SAXO1: variants seen among roughly 807,000 people sequenced by gnomAD.
The protein encoded by SAXO1 is stabilizer of axonemal microtubules 1.
Under a neutral mutation model 17.5 loss-of-function variants are expected in SAXO1, and 21 were observed. The observed-to-expected ratio is 1.20, with a 90% confidence interval of 0.85 to 1.72. The LOEUF (loss-of-function observed/expected upper bound fraction) is 1.72. SAXO1 is among the 40% of genes most tolerant of loss of function. The pLI is 0.00. For missense variants in SAXO1, 843 were observed against 596.0 expected, an observed-to-expected ratio of 1.41 and a Z score of -4.32; for synonymous variants, 274 against 216.5, an observed-to-expected ratio of 1.27 and a Z score of -2.33.
At chr9:18,994,449 C>A (rs140550345) in intron 1 of SAXO1, among the ~76,000 whole-genome samples, 236 of 152,302 alleles carry the variant, frequency 1.5e-3, no homozygotes, top group African/African-American at 5.3e-3. Flanking sequence ...GTTATTTATA[C>A]TACGTGCTCA....
intron 1 of SAXO1, among the ~76,000 whole-genome samples, chr9:18,982,934 T>C (rs1174800282): frequency 6.6e-6 from 1 of 152,166 alleles, no homozygotes; most frequent in East Asian, 1.9e-4. Context: ...TAGATGTATT[T>C]CATAAAGCTT....
rs1563920925 is a variant in SAXO1 at position 18,928,399 on chromosome 9, G to C, written c.1078C>G (p.Gln360Glu). The C allele has an allele frequency of 1.9e-6, 3 of 1,610,642 alleles. No homozygotes were observed. The highest frequency in any genetic ancestry group is 1.3e-5 in the African/African-American group (1 of 74,802). ...MRTEPVKPVPQLDLPTEPLDC... is the reference protein window; with the variant it reads ...MRTEPVKPVPELDLPTEPLDC... The stretch of plus-strand genomic sequence containing the variant: ...AGGGGCTCGGTGGGCAAGTCCAGCT[G>C]GGGAACGGGCTTGACTGGCTCTGTG... Residue 360 changes from glutamine (Q) to glutamate (E), a missense_variant, in exon 4 of 4, where the codon CAG becomes GAG. Gln to Glu is a conservative substitution (Grantham distance 29). Coordinates refer to ENST00000380534, the MANE Select transcript of SAXO1 (RefSeq NM_153707.4).
chr9:18,985,335 G>T (rs1213836920), intron 1 of SAXO1, among the ~76,000 whole-genome samples: 1 of 152,174 alleles, frequency 6.6e-6, no homozygotes, highest in Non-Finnish European at 1.5e-5. Context: ...ACAGAGACAT[G>T]AAGTGAGCGC....
chr9:19,036,473 C>T (rs1049610267), upstream of SAXO1, among the ~76,000 whole-genome samples: 11 of 152,010 alleles, frequency 7.2e-5, no homozygotes, highest in Admixed American at 5.9e-4. Context: ...TTTCATGGGC[C>T]GGGACCAGGG....
chr9:18,939,731 G>GT (rs1191924276), intron 3 of SAXO1, among the ~76,000 whole-genome samples: 4 of 152,092 alleles, frequency 2.6e-5, no homozygotes. Context: ...AAAGGTTTGG[G>GT]TTTTTATCGT....
At chr9:18,997,914 G>C (rs898646151) in intron 1 of SAXO1, among the ~76,000 whole-genome samples, 2 of 152,138 alleles carry the variant, frequency 1.3e-5, no homozygotes, top group Non-Finnish European at 2.9e-5. Context: ...GAAAGGAATA[G>C]CATCAACATC....
chr9:19,036,846 T>C (rs985216081), upstream of SAXO1, among the ~76,000 whole-genome samples: 1 of 152,098 alleles, frequency 6.6e-6, no homozygotes, highest in Non-Finnish European at 1.5e-5. Flanking sequence ...GACCCCAAAA[T>C]GGGAGATCCA....
chr9:19,013,084 C>T (rs1489322523), intron 1 of SAXO1, among the ~76,000 whole-genome samples: 1 of 152,108 alleles, frequency 6.6e-6, no homozygotes, highest in African/African-American at 2.4e-5. Context: ...TCTTGCATGC[C>T]TTTTCATCAA....
intron 1 of SAXO1, among the ~76,000 whole-genome samples, chr9:18,970,647 G>C (rs1157740848): frequency 6.6e-6 from 1 of 152,126 alleles, no homozygotes; most frequent in African/African-American, 2.4e-5. Flanking sequence ...AGGTGAACTG[G>C]TGACAACTTG....
intron 1 of SAXO1, among the ~76,000 whole-genome samples, chr9:19,006,234 T>C (rs1588517671): frequency 1.3e-5 from 2 of 152,330 alleles, no homozygotes; most frequent in South Asian, 2.1e-4. Flanking sequence ...AAGTTAAACA[T>C]AGAATTACCC....
chr9:18,953,431 C>T (rs1040590484), intron 1 of SAXO1, among the ~76,000 whole-genome samples: 1 of 152,172 alleles, frequency 6.6e-6, no homozygotes, highest in Admixed American at 6.5e-5. Flanking sequence ...GATGTCAGTA[C>T]AGCAACAAGC....
At position 18,941,693 on chromosome 9, in the gene SAXO1, G is replaced by C; in HGVS notation, c.365C>G (p.Pro122Arg). 1 of 1,614,152 alleles carries C rather than the reference G, an allele frequency of 6.2e-7. No homozygotes were observed. Among genetic ancestry groups the C allele is most frequent in the Non-Finnish European group, 8.5e-7 (1 of 1,180,038 alleles). Residue 122 changes from proline to arginine, a missense_variant, in exon 3 of 4, where the codon CCT becomes CGT. By Grantham distance (103) the Pro-to-Arg change is moderately radical. Transcript: ENST00000380534. ...YPVCRVDPIK[P>R]RDSKYPCSDK... is the part of the protein sequence containing the mutation. Reference sequence around the variant, plus strand: ...GCTACATGGATATTTACTGTCCCGAGGTTTGATGGGGTCCACTCGACAGAC... The same window carrying C: ...GCTACATGGATATTTACTGTCCCGACGTTTGATGGGGTCCACTCGACAGAC...
chr9:18,962,608 T>G (rs1832533908), intron 1 of SAXO1, among the ~76,000 whole-genome samples: 1 of 152,194 alleles, frequency 6.6e-6, no homozygotes, highest in African/African-American at 2.4e-5. Context: ...TAGTTTCTTT[T>G]GTGTGCAGAA....
At chr9:19,016,015 G>A (rs1429832151) in intron 1 of SAXO1, among the ~76,000 whole-genome samples, 1 of 152,136 alleles carries the variant, frequency 6.6e-6, no homozygotes, top group Non-Finnish European at 1.5e-5. Context: ...ACTGAAGGCT[G>A]AGAATACTGA....
At chr9:18,975,227 G>C (rs77293417) in intron 1 of SAXO1, among the ~76,000 whole-genome samples, 2 of 8,040 alleles carry the variant, frequency 2.5e-4, no homozygotes, top group African/African-American at 9.3e-4. Context: ...AGCAGGGAGA[G>C]TGCAGGCTGG....
At chr9:19,021,305 C>A (rs1835223780) in intron 1 of SAXO1, among the ~76,000 whole-genome samples, 2 of 152,164 alleles carry the variant, frequency 1.3e-5, no homozygotes, top group South Asian at 4.1e-4. Flanking sequence ...AGTCAGAGTA[C>A]CCAGAAGAAA....
At position 19,032,979 on chromosome 9, in the gene SAXO1, A is replaced by C; in HGVS notation, c.-71T>G. 7 of 1,494,672 alleles carry C rather than the reference A, an allele frequency of 4.7e-6. No homozygotes were observed. Among genetic ancestry groups the C allele is most frequent in the Non-Finnish European group, 5.4e-6 (6 of 1,104,154 alleles). 92.6% of individuals were successfully genotyped at this position (1,494,672 alleles called of 1,614,324 possible). A position where few individuals can be genotyped will look rare whatever the true frequency, so the allele number is the denominator to read the frequency against. On this transcript the variant is annotated 5_prime_UTR_variant, in exon 1 of 4. Transcript: ENST00000380534. ...TGCAGCCGACTCCTAGACCCCAACCACCTGTCTTGGGGCACGCCCAGGCTC... is the reference window on the plus strand; with the variant it reads ...TGCAGCCGACTCCTAGACCCCAACCCCCTGTCTTGGGGCACGCCCAGGCTC...
At chr9:18,942,374 C>T (rs1414216722) in intron 2 of SAXO1, among the ~76,000 whole-genome samples, 1 of 152,148 alleles carries the variant, frequency 6.6e-6, no homozygotes, top group African/African-American at 2.4e-5. Context: ...CACCTGAAAA[C>T]CCTGCACTCC....
At position 18,929,013 on chromosome 9, in the gene SAXO1, C is replaced by T. The variant is rs754672653; in HGVS notation, c.464G>A (p.Arg155His). The T allele has an allele frequency of 1.9e-5, 30 of 1,613,990 alleles. No individual in the cohort carries two copies. The highest frequency in any genetic ancestry group is 1.3e-4 in the South Asian group (12 of 91,082). Residue 155 changes from arginine (R) to histidine (H), a missense_variant, in exon 4 of 4, where the codon CGT becomes CAT. Physicochemically the swap from Arg to His is conservative, Grantham distance 29. Transcript: ENST00000380534. ...TGCCGGCTGGTATTTGTGTTCCAGA[C>T]GAAGTGGCTCTCGCCTTGGTTGGTT... ...PWNQPRREPL[R>H]LEHKYQPASV...
Sources: gnomAD v4.1 joint callset for allele counts (sites outside exome capture counted in the v4.1 genomes callset) on GRCh38, gnomAD v4.1.1 for gene constraint, MANE v1.5 for transcripts, NCBI Gene and HGNC (gene_info 2026-07-23, HGNC 2026-07-21) for gene names.